The following LPP variants were observed in gnomAD, a reference collection of about 807,000 sequenced individuals.
LPP encodes lipoma-preferred partner.
A neutral mutation model predicts 60.4 loss-of-function variants in LPP; 38 were observed. The ratio of observed to expected loss-of-function variants is 0.63; its 90% CI spans 0.49 to 0.83. The LOEUF (loss-of-function observed/expected upper bound fraction) is 0.83, where lower values mean the gene tolerates loss of function less well. Among genes scored for constraint, LPP ranks in the 40% least tolerant of loss-of-function variants. The probability of loss-of-function intolerance (pLI) is 0.00; values close to 1 mark genes in which losing one functional copy is unlikely to be tolerated. For synonymous variants in LPP, 328 were observed against 290.8 expected (o/e 1.13, Z -1.30); for missense variants, 902 against 783.6 (o/e 1.15, Z -1.80).
At chr3:188,231,286 T>A (rs536744160) in intron 2 of LPP, among the ~76,000 whole-genome samples, 10 of 152,150 alleles carry the variant, frequency 6.6e-5, no homozygotes, top group Non-Finnish European at 1.5e-4. Flanking sequence ...TACCACAGAT[T>A]CCCCAGGTTT....
intron 2 of LPP, among the ~76,000 whole-genome samples, chr3:188,286,436 C>T (rs1280618576): frequency 3.9e-5 from 6 of 152,190 alleles, no homozygotes. Flanking sequence ...CCAGAACCCA[C>T]TTACTCTAGG....
intron 6 of LPP, among the ~76,000 whole-genome samples, chr3:188,586,983 C>T (rs1460772685): frequency 6.6e-6 from 1 of 152,218 alleles, no homozygotes; most frequent in African/African-American, 2.4e-5. Context: ...CCCACCTCTG[C>T]CTCCCAAAGT....
At chr3:188,755,098 A>G (rs182219536) in intron 8 of LPP, among the ~76,000 whole-genome samples, 1 of 152,362 alleles carries the variant, frequency 6.6e-6, no homozygotes, top group East Asian at 1.9e-4. Flanking sequence ...AATGTGCTTA[A>G]TGGGAATGCT....
At chr3:188,161,476 C>G (rs1718261842) in intron 1 of LPP, among the ~76,000 whole-genome samples, 1 of 151,996 alleles carries the variant, frequency 6.6e-6, no homozygotes, top group Admixed American at 6.6e-5. Context: ...TAATGTACAC[C>G]AAAGTTTGTA....
At chr3:188,373,032 T>G (rs1214841092) in intron 3 of LPP, among the ~76,000 whole-genome samples, 2 of 37,070 alleles carry the variant, frequency 5.4e-5, no homozygotes, top group African/African-American at 8.2e-5. Context: ...ACAAAGGACA[T>G]GAACTCATCA....
At chr3:188,332,669 T>C (rs957296520) in intron 2 of LPP, among the ~76,000 whole-genome samples, 3 of 152,220 alleles carry the variant, frequency 2.0e-5, no homozygotes, top group African/African-American at 7.2e-5. Flanking sequence ...AACAATATGG[T>C]AATTTTAGTG....
chr3:188,297,578 CAG>C (rs1748353116), intron 2 of LPP, among the ~76,000 whole-genome samples: 2 of 152,144 alleles, frequency 1.3e-5, no homozygotes, highest in Admixed American at 6.5e-5. Context: ...AAATGTGAGT[CAG>C]TAGTTTATAT....
At chr3:188,641,739 T>C (rs1237064113) in intron 7 of LPP, among the ~76,000 whole-genome samples, 2 of 152,196 alleles carry the variant, frequency 1.3e-5, no homozygotes, top group African/African-American at 2.4e-5. Flanking sequence ...TGTTTTCTTT[T>C]TGAGGTAAAG....
chr3:188,756,636 AAAGGG>A (rs1347801661), intron 8 of LPP, among the ~76,000 whole-genome samples: 1 of 152,194 alleles, frequency 6.6e-6, no homozygotes, highest in Non-Finnish European at 1.5e-5. Flanking sequence ...GTTCATGTGA[AAAGGG>A]AAGATTCAGG....
chr3:188,500,822 T>G (rs1811609266), intron 5 of LPP, among the ~76,000 whole-genome samples: 1 of 152,128 alleles, frequency 6.6e-6, no homozygotes, highest in South Asian at 2.1e-4. Flanking sequence ...GTTATCGAAT[T>G]TTTTGCCACA....
At chr3:188,763,348 A>G (rs575748812) in intron 9 of LPP, among the ~76,000 whole-genome samples, 2 of 152,136 alleles carry the variant, frequency 1.3e-5, no homozygotes, top group East Asian at 3.9e-4. Context: ...TGAGTTCAGG[A>G]ATGAGACCAG....
At chr3:188,265,643 T>C (rs1735224513) in intron 2 of LPP, among the ~76,000 whole-genome samples, 1 of 152,122 alleles carries the variant, frequency 6.6e-6, no homozygotes, top group African/African-American at 2.4e-5. Context: ...GCTAGGACTT[T>C]AACAAATAAG....
chr3:188,250,756 T>G (rs946109425), intron 2 of LPP, among the ~76,000 whole-genome samples: 3,791 of 121,538 alleles, frequency 0.031, 199 homozygotes, highest in African/African-American at 0.13. Context: ...CTTTCTTTCT[T>G]TCTTTCTTTC....
At chr3:188,849,277 C>T (rs1416684253) in intron 9 of LPP, among the ~76,000 whole-genome samples, 6 of 152,028 alleles carry the variant, frequency 3.9e-5, no homozygotes, top group African/African-American at 1.5e-4. Flanking sequence ...GCAAGGACGA[C>T]TGGGAAATAT....
At chr3:188,528,652 G>C (rs1821319923) in intron 6 of LPP, among the ~76,000 whole-genome samples, 1 of 152,158 alleles carries the variant, frequency 6.6e-6, no homozygotes, top group Non-Finnish European at 1.5e-5. Context: ...TCAGTTCTGA[G>C]ATGTGCGTGA....
intron 9 of LPP, among the ~76,000 whole-genome samples, chr3:188,790,380 A>G (rs1388327465): frequency 6.6e-6 from 1 of 152,010 alleles, no homozygotes; most frequent in Non-Finnish European, 1.5e-5. Context: ...TTATACAGGC[A>G]TGTATAAGCA....
chr3:188,410,846 G>A (rs1377857699), intron 4 of LPP, among the ~76,000 whole-genome samples: 14 of 152,000 alleles, frequency 9.2e-5, no homozygotes, highest in Admixed American at 9.2e-4. Context: ...CCCATTGCCC[G>A]AGCAGTGTAC....
intron 2 of LPP, among the ~76,000 whole-genome samples, chr3:188,250,772 TTCTTTCTTTCTTTCTGTCTTTC>T (rs1560158530): frequency 6.1e-4 from 68 of 111,098 alleles, no homozygotes; most frequent in African/African-American, 2.9e-3. Context: ...CTTTCTTTCT[TTCTTTCTTTCTTTCTGTCTTTC>T]TCTTTCTTTC....
chr3:188,822,787 A>G (rs1403185155), intron 9 of LPP, among the ~76,000 whole-genome samples: 1 of 152,144 alleles, frequency 6.6e-6, no homozygotes, highest in Non-Finnish European at 1.5e-5. Context: ...CCTTCTGGTG[A>G]TCTGCTTTAT....
Sources: allele counts gnomAD v4.1 joint callset (sites outside exome capture counted in the v4.1 genomes callset), GRCh38; gene constraint gnomAD v4.1.1; transcripts MANE v1.5; gene names NCBI Gene and HGNC (gene_info 2026-07-23, HGNC 2026-07-21).